The following RARB variants were observed in gnomAD, a reference collection of about 807,000 sequenced individuals.
RARB encodes the protein retinoic acid receptor beta, also known as HBV-activated protein.
In RARB, 17 loss-of-function variants were observed where a neutral mutation model predicts 51.9. The observed-to-expected ratio is 0.33, with a 90% CI of 0.22 to 0.49. RARB has a LOEUF of 0.49. Ranked by LOEUF, RARB falls within the 20% of genes least tolerant of loss-of-function variation. RARB has a pLI of 0.99. For synonymous variants in RARB, 215 were observed against 195.4 expected (o/e 1.10, Z -0.84); for missense variants, 369 against 550.8 (o/e 0.67, Z 3.30).
intron 5 of RARB, among the ~76,000 whole-genome samples, chr3:25,214,177 C>T (rs73147397): frequency 0.024 from 3,589 of 152,276 alleles, 115 homozygotes; most frequent in African/African-American, 0.08. Context: ...CAGGCCAAAG[C>T]ACTCTAGTGG....
intron 2 of RARB, among the ~76,000 whole-genome samples, chr3:24,860,093 GTAT>G (rs1252387667): frequency 2.0e-5 from 3 of 152,128 alleles, no homozygotes; most frequent in African/African-American, 7.2e-5. Context: ...CCAGGATCTT[GTAT>G]TATGTTCATG....
chr3:25,209,649 G>A (rs1315255492), intron 5 of RARB, among the ~76,000 whole-genome samples: 7 of 152,160 alleles, frequency 4.6e-5, no homozygotes, highest in Admixed American at 6.5e-5. Flanking sequence ...CAACATGCAC[G>A]GTTGTGCAGA....
chr3:24,913,388 T>TTCTCTC (rs200133236), intron 2 of RARB, among the ~76,000 whole-genome samples: 4 of 137,612 alleles, frequency 2.9e-5, no homozygotes, highest in African/African-American at 5.5e-5. Context: ...ATAGTCTTCT[T>TTCTCTC]TCTCTCTCTC....
intron 5 of RARB, among the ~76,000 whole-genome samples, chr3:25,404,440 G>T (rs1347970360): frequency 6.6e-6 from 1 of 152,140 alleles, no homozygotes; most frequent in Non-Finnish European, 1.5e-5. Flanking sequence ...CTTCTGACTA[G>T]GCCAAAGGGA....
intron 2 of RARB, among the ~76,000 whole-genome samples, chr3:24,947,516 A>T (rs182098286): frequency 3.7e-4 from 56 of 152,364 alleles, no homozygotes; most frequent in Admixed American, 7.8e-4. Flanking sequence ...CTGTGAGCCA[A>T]CGTCTCTTCC....
intron 2 of RARB, among the ~76,000 whole-genome samples, chr3:25,489,208 C>A (rs115736742): frequency 1.4e-3 from 213 of 152,214 alleles, no homozygotes; most frequent in African/African-American, 4.8e-3. Context: ...GCATTGGGGA[C>A]CTATTTAATT....
chr3:25,176,439 G>A (rs918212366), intron 5 of RARB, among the ~76,000 whole-genome samples: 13 of 147,156 alleles, frequency 8.8e-5, no homozygotes, highest in East Asian at 2.0e-4. Flanking sequence ...CTCTGTCGCC[G>A]GGCCAGAGTG....
intron 5 of RARB, among the ~76,000 whole-genome samples, chr3:25,223,316 C>T (rs543033510): frequency 5.9e-5 from 9 of 152,154 alleles, no homozygotes; most frequent in African/African-American, 1.9e-4. Context: ...ATATTATGTT[C>T]GCTTTTATTG....
intron 5 of RARB, among the ~76,000 whole-genome samples, chr3:25,408,364 C>T (rs1707470209): frequency 6.6e-6 from 1 of 152,002 alleles, no homozygotes; most frequent in African/African-American, 2.4e-5. Flanking sequence ...GGAAGTAGGG[C>T]ACATCTTCCT....
At chr3:24,995,936 T>C (rs1697028366) in intron 2 of RARB, among the ~76,000 whole-genome samples, 1 of 152,034 alleles carries the variant, frequency 6.6e-6, no homozygotes, top group Non-Finnish European at 1.5e-5. Context: ...TGTTGTGCCT[T>C]CTTCTGGTTT....
intron 3 of RARB, among the ~76,000 whole-genome samples, chr3:25,523,030 A>T (rs565793387): frequency 9.2e-5 from 14 of 152,214 alleles, no homozygotes; most frequent in Non-Finnish European, 1.9e-4. Flanking sequence ...TTTGGTGACA[A>T]CTATGTGTTT....
At chr3:25,179,080 A>G (rs1253124142) in intron 5 of RARB, among the ~76,000 whole-genome samples, 1 of 152,194 alleles carries the variant, frequency 6.6e-6, no homozygotes, top group Non-Finnish European at 1.5e-5. Context: ...TCCTGTCAAA[A>G]TCACAAAATA....
At chr3:25,357,867 A>AT (rs1363955527) in intron 5 of RARB, among the ~76,000 whole-genome samples, 1 of 152,120 alleles carries the variant, frequency 6.6e-6, no homozygotes. Context: ...ATTGGTCTAT[A>AT]TATCAGTTTT....
chr3:25,085,581 A>G (rs1034329842), intron 3 of RARB, among the ~76,000 whole-genome samples: 2 of 152,056 alleles, frequency 1.3e-5, no homozygotes, highest in African/African-American at 4.8e-5. Context: ...ATCCAATTCA[A>G]TTCATTTATC....
intron 2 of RARB, among the ~76,000 whole-genome samples, chr3:25,006,688 T>C (rs1369043198): frequency 6.6e-6 from 1 of 152,126 alleles, no homozygotes; most frequent in Non-Finnish European, 1.5e-5. Flanking sequence ...AACGTTGTTA[T>C]AAATCACAGG....
rs1046872766 is a variant in RARB, at chr3:25,016,755, A to T, written c.-379-43370A>T. ...CCCCAGGATATGCCAAGCCACAGAG[A>T]CATAGTGCTCAGGAATGAGGAGTAG... On this transcript the variant is annotated intron_variant, in intron 2 of 11. Coordinates refer to the RARB transcript ENST00000383772. Among the ~76,000 whole-genome samples the T allele has an allele frequency of 2.0e-5, 3 of 152,172 alleles. No homozygotes were observed. The South Asian group carries it at 6.2e-4, about 32-fold the overall frequency.
intron 2 of RARB, among the ~76,000 whole-genome samples, chr3:24,905,336 C>A (rs928343931): frequency 2.0e-5 from 3 of 152,282 alleles, no homozygotes; most frequent in African/African-American, 7.2e-5. Context: ...TCTTGTTTGA[C>A]TCATTGTCTT....
chr3:24,918,123 A>T (rs1331397760), intron 2 of RARB, among the ~76,000 whole-genome samples: 2 of 152,232 alleles, frequency 1.3e-5, no homozygotes, highest in African/African-American at 4.8e-5. Flanking sequence ...CATTGTTCTT[A>T]GTAGTTAAAA....
chr3:25,338,527 C>G (rs913525378), intron 5 of RARB, among the ~76,000 whole-genome samples: 5 of 152,122 alleles, frequency 3.3e-5, no homozygotes, highest in South Asian at 2.1e-4. Flanking sequence ...ATCATTTACA[C>G]TCTCTAGTTA....
Sources: gnomAD v4.1 joint callset for allele counts (sites outside exome capture counted in the v4.1 genomes callset) on GRCh38, gnomAD v4.1.1 for gene constraint, MANE v1.5 for transcripts, NCBI Gene and HGNC (gene_info 2026-07-23, HGNC 2026-07-21) for gene names.